Variants in ADPRHL1 observed in about 807,000 individuals in gnomAD.
ADPRHL1 encodes the protein inactive ADP-ribosyltransferase ARH2.
Under a neutral mutation model 44.1 loss-of-function variants are expected in ADPRHL1, and 43 were observed. That is an observed-to-expected ratio of 0.98 (90% CI 0.76 to 1.26). The LOEUF is 1.26. Among genes scored for constraint, ADPRHL1 ranks in the 50% most tolerant of loss-of-function variants. ADPRHL1 has a pLI of 0.00. For missense variants in ADPRHL1, 2,022 were observed against 2,496.9 expected (o/e 0.81, Z 4.05); for synonymous variants, 878 against 1,017.4 (o/e 0.86, Z 2.61).
intron 1 of ADPRHL1, among the ~76,000 whole-genome samples, chr13:113,445,965 G>A (rs888053205): frequency 3.3e-5 from 5 of 151,452 alleles, no homozygotes; most frequent in African/African-American, 4.9e-5. Context: ...GCAAACCCCT[G>A]GAGAGAGTGC....
At chr13:113,417,488 A>G (rs1202086683) in intron 7 of ADPRHL1, among the ~76,000 whole-genome samples, 1 of 152,018 alleles carries the variant, frequency 6.6e-6, no homozygotes, top group Non-Finnish European at 1.5e-5. Context: ...GATCAGGCGC[A>G]GTCCCTGCCT....
At chr13:113,421,187 T>C (rs1420417631) in intron 7 of ADPRHL1, among the ~76,000 whole-genome samples, 12 of 7,326 alleles carry the variant, frequency 1.6e-3, no homozygotes, top group African/African-American at 2.5e-3. Context: ...CGCCTACCCC[T>C]GGGACACCCC....
intron 2 of ADPRHL1, among the ~76,000 whole-genome samples, 155 bp from the exon 3 acceptor site, chr13:113,434,022 C>A (rs1057471597): frequency 1.5e-5 from 2 of 132,632 alleles, no homozygotes; most frequent in Admixed American, 7.4e-5. Context: ...GCAGGCCACT[C>A]AAGTCCTGCA....
Position 113,422,985 on chromosome 13 carries a change from A to G in ADPRHL1, c.908-6T>C. 2.5e-6 allele frequency: 4 copies of G among 1,612,644 alleles called. No homozygotes were observed. The highest frequency in any genetic ancestry group is 3.4e-6 in the Non-Finnish European group (4 of 1,179,898). ...GCCCGTGGCCGCGCTCTCCCCTGAA[A>G]CGCAAAGGCAGCAGTTGCAGTGGGC... On this transcript the variant is annotated splice_polypyrimidine_tract_variant and splice_region_variant and intron_variant, in intron 6 of 7. Coordinates refer to ENST00000612156, the MANE Select transcript of ADPRHL1 (RefSeq NM_001394807.1).
intron 7 of ADPRHL1, among the ~76,000 whole-genome samples, chr13:113,418,980 T>TTCCCTCCCTCCC (rs1174404083): frequency 0.023 from 2,400 of 105,592 alleles, 266 homozygotes; most frequent in Middle Eastern, 0.038. Context: ...CCTCTTTTCC[T>TTCCCTCCCTCCC]TCCCTCCCTC....
At position 113,403,292 on chromosome 13, in the gene ADPRHL1, A is replaced by G; in HGVS notation, c.*86T>C. On this transcript the variant is annotated 3_prime_UTR_variant, in exon 8 of 8. Coordinates refer to ENST00000612156, the MANE Select transcript of ADPRHL1 (RefSeq NM_001394807.1). ...GCGTCTCTGTAGGGGATGCTCCAAG[A>G]CGCATTTGGAGGCAGGAAAATGCCT... 9.0e-7 allele frequency: 1 copy of G among 1,107,362 alleles called. No individual in the cohort carries two copies. The highest frequency in any genetic ancestry group is 1.1e-6 in the Non-Finnish European group (1 of 874,906). The allele number at this position is 1,107,362 out of a possible 1,614,324, so 68.6% of individuals were successfully genotyped here.
chr13:113,424,966 C>T, intron 5 of ADPRHL1, 86 bp downstream of exon 5: 7 of 1,520,714 alleles, frequency 4.6e-6, no homozygotes, highest in Non-Finnish European at 5.4e-6. Context: ...ATTCACCTAC[C>T]CACCCACCCA....
At chr13:113,422,060 T>A (rs1350466352) in intron 7 of ADPRHL1, 2 of 152,210 alleles carry the variant, frequency 1.3e-5, no homozygotes, top group Non-Finnish European at 2.9e-5. Context: ...GAGAACCTCA[T>A]CACAGGGACA....
At position 113,441,341 on chromosome 13, in the gene ADPRHL1, C is replaced by CT. The variant is rs776349666; in HGVS notation, c.379+3083dup. Reference sequence around the variant, plus strand: ...TTGTCCCTCCTTCCCCCTTTTCTGCCTTTTTTGGGTTGAATGTTTCTCAAG... The same window carrying CT: ...TTGTCCCTCCTTCCCCCTTTTCTGCCTTTTTTTGGGTTGAATGTTTCTCAAG... On this transcript the variant is annotated intron_variant, in intron 2 of 7. Coordinates refer to ENST00000612156, the MANE Select transcript of ADPRHL1 (RefSeq NM_001394807.1). The surrounding 1 kb of genome is among the most constrained non-coding windows in gnomAD (Gnocchi z 6.0). 1.4e-3 allele frequency among the ~76,000 whole-genome samples: 220 copies of CT among 152,120 alleles called. 1 individual carries two copies. Among genetic ancestry groups the CT allele is most frequent in the Middle Eastern group, 3.4e-3 (1 of 294 alleles).
At chr13:113,448,165 CCT>C (rs1474326512) in intron 1 of ADPRHL1, among the ~76,000 whole-genome samples, 1 of 152,048 alleles carries the variant, frequency 6.6e-6, no homozygotes, top group Non-Finnish European at 1.5e-5. Flanking sequence ...TCCTGTCTTC[CCT>C]GTCTGGTCTC....
chr13:113,425,802 T>G (rs533691810), intron 4 of ADPRHL1, among the ~76,000 whole-genome samples: 2 of 151,860 alleles, frequency 1.3e-5, no homozygotes, highest in Non-Finnish European at 2.9e-5. Flanking sequence ...TGCCTCAGCC[T>G]CCTGAGTAGC....
intron 2 of ADPRHL1, among the ~76,000 whole-genome samples, chr13:113,439,626 T>C (rs1267724270): frequency 6.6e-6 from 1 of 151,318 alleles, no homozygotes; most frequent in East Asian, 1.9e-4. Context: ...TTTTGTATTT[T>C]TAGTAGAGAC....
Position 113,406,447 on chromosome 13 carries a change from T to C in ADPRHL1, c.2835A>G (p.Thr945=), listed in dbSNP as rs1566464414. The change falls in exon 8 of 8, where the codon ACA becomes ACG. Residue 945 remains threonine (T), a synonymous_variant. Transcript: ENST00000612156. ...ADHSVPETLL[T]QRLQTDPAGG... ...CAGCAGGATCTGTCTGGAGTCTCTG[T>C]GTCAGAAGTGTCTCTGGGACACTGT... The C allele has an allele frequency of 1.6e-6, 2 of 1,232,044 alleles. No individual in the cohort carries two copies. The highest frequency in any genetic ancestry group is 3.1e-5 in the African/African-American group (2 of 64,554). 76.3% of individuals were successfully genotyped at this position (1,232,044 alleles called of 1,614,324 possible).
chr13:113,425,302 AC>A, intron 4 of ADPRHL1, 123 bp from the exon 5 acceptor site: 1 of 968,424 alleles, frequency 1.0e-6, no homozygotes, highest in Non-Finnish European at 1.5e-6. Flanking sequence ...TGCCCCCTCT[AC>A]CCAGCTGCAG....
intron 1 of ADPRHL1, among the ~76,000 whole-genome samples, chr13:113,445,267 T>A (rs567568281): frequency 1.3e-5 from 2 of 152,256 alleles, no homozygotes; most frequent in African/African-American, 4.8e-5. Flanking sequence ...CCATATTCCC[T>A]GATAAGGCTC....
chr13:113,451,838 G>A (rs1202643400), intron 1 of ADPRHL1, among the ~76,000 whole-genome samples: 3 of 152,066 alleles, frequency 2.0e-5, no homozygotes, highest in South Asian at 2.1e-4. Flanking sequence ...TGCCCTAAAC[G>A]TCCGTAACCC....
At chr13:113,426,065 C>T (rs749138712) in intron 4 of ADPRHL1, among the ~76,000 whole-genome samples, 2 of 152,234 alleles carry the variant, frequency 1.3e-5, no homozygotes, top group Non-Finnish European at 2.9e-5. Flanking sequence ...CCTGTGCCTG[C>T]AGAGCAGGGC....
intron 3 of ADPRHL1, among the ~76,000 whole-genome samples, chr13:113,429,732 G>A (rs1298485603): frequency 6.6e-6 from 1 of 152,232 alleles, no homozygotes; most frequent in Non-Finnish European, 1.5e-5. Context: ...GGTCCGTTGT[G>A]CACACTCAGG....
chr13:113,414,068 G>C (rs969354424), intron 7 of ADPRHL1, among the ~76,000 whole-genome samples: 1 of 152,228 alleles, frequency 6.6e-6, no homozygotes. Flanking sequence ...GTCAGTGGCT[G>C]TGCTGGGCTC....
Sources: allele counts gnomAD v4.1 joint callset (sites outside exome capture counted in the v4.1 genomes callset), GRCh38; gene constraint gnomAD v4.1.1; non-coding constraint Gnocchi (gnomAD v3.1); transcripts MANE v1.5; gene names NCBI Gene and HGNC (gene_info 2026-07-23, HGNC 2026-07-21).